MALRD1: variants seen among roughly 807,000 people sequenced by gnomAD.
The protein encoded by MALRD1 is MAM and LDL receptor class A domain containing 1.
Under a neutral mutation model 242.1 loss-of-function variants are expected in MALRD1, and 247 were observed. The observed-to-expected ratio is 1.02, with a 90% CI of 0.92 to 1.13. MALRD1 has a LOEUF of 1.13. Among genes scored for constraint, MALRD1 ranks in the 50% most tolerant of loss-of-function variants. MALRD1 has a pLI of 0.00. For missense variants in MALRD1, 2,989 were observed against 2,533.1 expected (o/e 1.18, Z -3.86); for synonymous variants, 995 against 866.6 (o/e 1.15, Z -2.60).
chr10:19,290,362 G>A (rs570328981), intron 21 of MALRD1: 2 of 152,286 alleles, frequency 1.3e-5, no homozygotes, highest in African/African-American at 4.8e-5. Context: ...CACAGAGTTC[G>A]GTGAGTGGAT....
intron 11 of MALRD1, among the ~76,000 whole-genome samples, chr10:19,149,554 A>G (rs556284253): frequency 2.6e-5 from 4 of 152,208 alleles, no homozygotes; most frequent in African/African-American, 9.6e-5. Flanking sequence ...TCAAAATTAT[A>G]TGTGTTTCTG....
chr10:19,120,836 C>T (rs1269368591), intron 5 of MALRD1, among the ~76,000 whole-genome samples: 5 of 152,100 alleles, frequency 3.3e-5, no homozygotes, highest in African/African-American at 9.7e-5. Flanking sequence ...CCCTGCCTCC[C>T]GGGTTCAACT....
intron 38 of MALRD1, among the ~76,000 whole-genome samples, chr10:19,721,125 A>G (rs867793379): frequency 6.6e-6 from 1 of 152,144 alleles, no homozygotes; most frequent in Non-Finnish European, 1.5e-5. Flanking sequence ...TTCTAAAAAG[A>G]TCTCTTCTTG....
intron 18 of MALRD1, among the ~76,000 whole-genome samples, chr10:19,242,637 A>G (rs1255385371): frequency 6.6e-6 from 1 of 152,110 alleles, no homozygotes; most frequent in Non-Finnish European, 1.5e-5. Context: ...AGTAATATAT[A>G]TGTTATGTCC....
At chr10:19,185,200 C>G (rs929796888) in intron 14 of MALRD1, among the ~76,000 whole-genome samples, 1 of 152,128 alleles carries the variant, frequency 6.6e-6, no homozygotes, top group South Asian at 2.1e-4. Context: ...CATATATAAA[C>G]TATTTTGTAC....
At chr10:19,167,917 T>G (rs1416251238) in intron 13 of MALRD1, among the ~76,000 whole-genome samples, 2 of 152,206 alleles carry the variant, frequency 1.3e-5, no homozygotes, top group Non-Finnish European at 2.9e-5. Context: ...TGTTCTCTAC[T>G]TTATACAGTT....
At chr10:19,096,122 TA>T (rs1010519364) in intron 4 of MALRD1, among the ~76,000 whole-genome samples, 1 of 152,182 alleles carries the variant, frequency 6.6e-6, no homozygotes, top group African/African-American at 2.4e-5. Flanking sequence ...CATAAGATAT[TA>T]GAGTGTTGAG....
At chr10:19,666,605 A>G (rs982830766) in intron 36 of MALRD1, among the ~76,000 whole-genome samples, 10 of 152,138 alleles carry the variant, frequency 6.6e-5, no homozygotes, top group South Asian at 2.1e-4. Flanking sequence ...AATATTGCCA[A>G]TTTCTTTTTA....
chr10:19,115,334 T>C (rs1836833189), intron 5 of MALRD1, among the ~76,000 whole-genome samples: 1 of 152,062 alleles, frequency 6.6e-6, no homozygotes, highest in Non-Finnish European at 1.5e-5. Flanking sequence ...AGGTCTATAC[T>C]CTGGGTGACC....
At chr10:19,670,081 CACACACACACAA>C (rs1022437406) in intron 36 of MALRD1, among the ~76,000 whole-genome samples, 17 of 151,592 alleles carry the variant, frequency 1.1e-4, no homozygotes, top group Admixed American at 4.0e-4. Context: ...CACACACACA[CACACACACACAA>C]ACACACACAC....
At chr10:19,162,767 A>G (rs750813195) in intron 12 of MALRD1, among the ~76,000 whole-genome samples, 6 of 152,140 alleles carry the variant, frequency 3.9e-5, no homozygotes, top group Non-Finnish European at 8.8e-5. Flanking sequence ...CTCCACAAAG[A>G]GCTAAAAGCA....
intron 28 of MALRD1, among the ~76,000 whole-genome samples, chr10:19,413,015 C>CT (rs1833339807): frequency 6.6e-6 from 1 of 151,924 alleles, no homozygotes. Flanking sequence ...AATTGAATCT[C>CT]TTTATGTAAA....
intron 19 of MALRD1, among the ~76,000 whole-genome samples, chr10:19,277,855 C>T (rs1052356924): frequency 6.6e-6 from 1 of 152,144 alleles, no homozygotes; most frequent in Non-Finnish European, 1.5e-5. Flanking sequence ...TAATATTGCT[C>T]AGATTTTTGC....
intron 36 of MALRD1, among the ~76,000 whole-genome samples, chr10:19,690,584 T>C (rs1346364606): frequency 6.6e-6 from 1 of 152,058 alleles, no homozygotes; most frequent in African/African-American, 2.4e-5. Flanking sequence ...GAGAAAATTT[T>C]CTATCTTTAT....
At chr10:19,069,380 ATATAT>A (rs1327062083) in intron 2 of MALRD1, among the ~76,000 whole-genome samples, 4 of 152,024 alleles carry the variant, frequency 2.6e-5, no homozygotes, top group African/African-American at 9.7e-5. Flanking sequence ...TATAATCTTT[ATATAT>A]TATAAGCCCT....
chr10:19,498,599 G>A lies in MALRD1; in HGVS notation c.5273G>A (p.Ser1758Asn). ...GATGACTTGGACTGGGCCATTGGCA[G>A]CAGAATTCCTGCCAAAGCATTAATT... is the stretch of plus-strand genomic sequence containing the variant. ...SEDDLDWAIG[S>N]RIPAKALIPD... The change falls in exon 31 of 40, where the codon AGC (serine) becomes AAC (asparagine). Residue 1758 changes from serine to asparagine, a missense_variant. Coordinates refer to ENST00000454679, the MANE Select transcript of MALRD1 (RefSeq NM_001142308.3). 7 of 1,550,172 alleles carry A rather than the reference G, an allele frequency of 4.5e-6. No homozygotes were observed. The highest frequency in any genetic ancestry group is 6.1e-6 in the Non-Finnish European group (7 of 1,146,790).
chr10:19,136,804 A>G, intron 10 of MALRD1, 23 bp downstream of exon 10: 1 of 1,212,990 alleles, frequency 8.2e-7, no homozygotes, highest in East Asian at 3.2e-5. Flanking sequence ...ATGGCTTACT[A>G]GTTTACATGC....
chr10:19,322,114 T>C (rs1842934686), intron 21 of MALRD1, among the ~76,000 whole-genome samples: 1 of 152,110 alleles, frequency 6.6e-6, no homozygotes, highest in Admixed American at 6.6e-5. Flanking sequence ...AAAATTATAA[T>C]AATCCTGACA....
At chr10:19,628,043 A>G (rs1839745921) in intron 36 of MALRD1, among the ~76,000 whole-genome samples, 1 of 151,846 alleles carries the variant, frequency 6.6e-6, no homozygotes, top group African/African-American at 2.4e-5. Flanking sequence ...CATTGCACTA[A>G]TGCATAAATG....
Sources: allele counts gnomAD v4.1 joint callset (sites outside exome capture counted in the v4.1 genomes callset), GRCh38; gene constraint gnomAD v4.1.1; transcripts MANE v1.5; gene names NCBI Gene and HGNC (gene_info 2026-07-23, HGNC 2026-07-21).